Variants in TMEM200B observed in about 807,000 individuals in gnomAD.
The protein encoded by TMEM200B is transmembrane protein 200B.
A neutral mutation model predicts 17.6 loss-of-function variants in TMEM200B; 12 were observed. The ratio of observed to expected loss-of-function variants is 0.68; its 90% CI spans 0.44 to 1.11. TMEM200B has a LOEUF of 1.11. Ranked by LOEUF, TMEM200B falls within the 50% of genes least tolerant of loss-of-function variation. The pLI is 0.00. For missense variants in TMEM200B, 456 were observed against 447.6 expected (o/e 1.02, Z -0.17); for synonymous variants, 234 against 209.2 (o/e 1.12, Z -1.02).
In TMEM200B at chr1:29,121,380, C is replaced by A; in HGVS notation, c.449G>T (p.Gly150Val). ...CCGGAGCGCCTGGGCCCGCAGCACCCCCTGGCGGAGCCGTCGCGTCTCCAA... is the reference window on the plus strand; with the variant it reads ...CCGGAGCGCCTGGGCCCGCAGCACCACCTGGCGGAGCCGTCGCGTCTCCAA... ...RDLETRRLRQ[G>V]VLRAQALRPP... Residue 150 changes from glycine to valine, a missense_variant, in exon 2 of 2, where the codon GGG becomes GTG. Coordinates refer to ENST00000521452, the MANE Select transcript of TMEM200B (RefSeq NM_001003682.4). This position sits in a 1 kb window ranked among gnomAD's most constrained non-coding sequence, Gnocchi z 5.6. 1 of 1,549,040 alleles carries A rather than the reference C, an allele frequency of 6.5e-7. No homozygotes were observed. The highest frequency in any genetic ancestry group is 8.7e-7 in the Non-Finnish European group (1 of 1,149,740).
chr1:29,122,120 T>A (rs1466135849), intron 1 of TMEM200B, among the ~76,000 whole-genome samples: 2 of 152,136 alleles, frequency 1.3e-5, no homozygotes, highest in East Asian at 3.9e-4. Context: ...GGGCGCAGGC[T>A]GTTCCCTGGC....
In TMEM200B at chr1:29,120,669, G is replaced by T; in HGVS notation, c.*236C>A. ...CAGAGGCTGAAGAAATTCCTGAGGCGAGTCCTCCACACCCCACAGTGAAAC... is the reference window on the plus strand; with the variant it reads ...CAGAGGCTGAAGAAATTCCTGAGGCTAGTCCTCCACACCCCACAGTGAAAC... On this transcript the variant is annotated 3_prime_UTR_variant, in exon 2 of 2. Coordinates refer to ENST00000521452, the MANE Select transcript of TMEM200B (RefSeq NM_001003682.4). 1.9e-6 allele frequency: 1 copy of T among 532,570 alleles called. No individual in the cohort carries two copies. The highest frequency in any genetic ancestry group is 3.3e-6 in the Non-Finnish European group (1 of 305,852). The allele number at this position is 532,570 out of a possible 1,614,324, so 33.0% of individuals were successfully genotyped here. A position where few individuals can be genotyped will look rare whatever the true frequency, so the allele number is the denominator to read the frequency against.
chr1:29,121,226 C>G lies in TMEM200B; in HGVS notation c.603G>C (p.Pro201=). The G allele has an allele frequency of 6.2e-7, 1 of 1,613,304 alleles. No individual in the cohort carries two copies. Among genetic ancestry groups the G allele is most frequent in the Non-Finnish European group, 8.5e-7 (1 of 1,179,988 alleles). The change falls in exon 2 of 2, where the codon CCG becomes CCC. Residue 201 remains proline, a synonymous_variant. Transcript: ENST00000521452. This position sits in a 1 kb window ranked among gnomAD's most constrained non-coding sequence, Gnocchi z 5.6. Reference sequence around the variant, plus strand: ...GCTCTGAACGCAGACTCCGCACTGACGGGACGGGTGAAGTACCCCGACGCG... The same window carrying G: ...GCTCTGAACGCAGACTCCGCACTGAGGGGACGGGTGAAGTACCCCGACGCG... ...PSPRRGTSPV[P]SVRSLRSEPA...
intron 1 of TMEM200B, among the ~76,000 whole-genome samples, chr1:29,123,240 G>A (rs1440845163): frequency 6.6e-6 from 1 of 152,200 alleles, no homozygotes; most frequent in Non-Finnish European, 1.5e-5. Flanking sequence ...TCCAAAGCCT[G>A]GTTTCACAGA....
Position 29,120,988 on chromosome 1 carries a change from G to A in TMEM200B, c.841C>T (p.Arg281Ter), listed in dbSNP as rs750442920. ...GAPAARDCAH[R>*]SWPRLDRLSL... ...AGGCGGTCCAGCCGTGGCCAGCTTC[G>A]GTGAGCACAGTCCCGAGCTGCTGGG... is the stretch of plus-strand genomic sequence containing the variant. The change falls in exon 2 of 2, where the codon CGA becomes TGA. Residue 281 changes from arginine (R) to a stop codon, truncating the protein, a stop_gained. Coordinates refer to ENST00000521452, the MANE Select transcript of TMEM200B (RefSeq NM_001003682.4). LOFTEE classifies it high-confidence loss of function. 7 of 1,613,562 alleles carry A rather than the reference G, an allele frequency of 4.3e-6. No individual in the cohort carries two copies. Among genetic ancestry groups the A allele is most frequent in the Non-Finnish European group, 5.9e-6 (7 of 1,180,002 alleles).
rs1250656445 is a variant in TMEM200B, at chr1:29,121,448, G to A, written c.381C>T (p.Phe127=). 1.3e-6 allele frequency: 2 copies of A among 1,534,450 alleles called. No homozygotes were observed. Among genetic ancestry groups the A allele is most frequent in the Admixed American group, 2.0e-5 (1 of 50,932 alleles). The stretch of plus-strand genomic sequence containing the variant: ...GCAGTGTGTTGGCGCAGATGAACAC[G>A]AACAGGCCGACGCCCATGATCACCG... ...LGPVIMGVGL[F]VFICANTLLY... Residue 127 remains phenylalanine (F), a synonymous_variant, in exon 2 of 2, where the codon TTC becomes TTT. Transcript: ENST00000521452. This position sits in a 1 kb window ranked among gnomAD's most constrained non-coding sequence, Gnocchi z 5.6.
rs1671721986 is a variant in TMEM200B, at chr1:29,120,674, C to T, written c.*231G>A. ...GCTGAAGAAATTCCTGAGGCGAGTCCTCCACACCCCACAGTGAAACGCACC... is the reference window on the plus strand; with the variant it reads ...GCTGAAGAAATTCCTGAGGCGAGTCTTCCACACCCCACAGTGAAACGCACC... On this transcript the variant is annotated 3_prime_UTR_variant, in exon 2 of 2. Transcript: ENST00000521452. 1 of 568,678 alleles carries T rather than the reference C, an allele frequency of 1.8e-6. No individual in the cohort carries two copies. The highest frequency in any genetic ancestry group is 3.0e-5 in the South Asian group (1 of 33,790). The allele number at this position is 568,678 out of a possible 1,614,324, so 35.2% of individuals were successfully genotyped here.
chr1:29,120,769 C>G lies in TMEM200B; in HGVS notation c.*136G>C. 1 of 1,172,374 alleles carries G rather than the reference C, an allele frequency of 8.5e-7. No homozygotes were observed. The highest frequency in any genetic ancestry group is 2.6e-5 in the East Asian group (1 of 38,658). 72.6% of individuals were successfully genotyped at this position (1,172,374 alleles called of 1,614,324 possible). A position where few individuals can be genotyped will look rare whatever the true frequency, so the allele number is the denominator to read the frequency against. On this transcript the variant is annotated 3_prime_UTR_variant, in exon 2 of 2. Coordinates refer to ENST00000521452, the MANE Select transcript of TMEM200B (RefSeq NM_001003682.4). ...CGCATGCAGGTCAGGATGCCCTTCA[C>G]AGCTGCTGTGGTCAGAGCATCCATC...
chr1:29,122,164 G>C (rs1671832808), intron 1 of TMEM200B, among the ~76,000 whole-genome samples: 1 of 152,108 alleles, frequency 6.6e-6, no homozygotes, highest in South Asian at 2.1e-4. Flanking sequence ...GCCTGCGTCC[G>C]GTCCGCAAGC....
chr1:29,121,615 C>A lies in TMEM200B; in HGVS notation c.214G>T (p.Ala72Ser). Residue 72 changes from alanine (A) to serine (S), a missense_variant, in exon 2 of 2, where the codon GCC becomes TCC. Coordinates refer to ENST00000521452, the MANE Select transcript of TMEM200B (RefSeq NM_001003682.4). The surrounding 1 kb of genome is among the most constrained non-coding windows in gnomAD (Gnocchi z 5.6). ...VVLVGMGIAVAGYWPHRAGAP... is the reference protein window; with the variant it reads ...VVLVGMGIAVSGYWPHRAGAP... ...CCGGCCCGGTGCGGCCAGTAGCCGG[C>A]CACTGCAATGCCCATACCCACCAGT... 6.7e-7 allele frequency: 1 copy of A among 1,495,192 alleles called. No individual in the cohort carries two copies. The highest frequency in any genetic ancestry group is 8.8e-7 in the Non-Finnish European group (1 of 1,132,108). The allele number at this position is 1,495,192 out of a possible 1,614,324, so 92.6% of individuals were successfully genotyped here.
rs1423504526 is a variant in TMEM200B, at chr1:29,121,601, C to A, written c.228G>T (p.Pro76=). 6.7e-7 allele frequency: 1 copy of A among 1,490,000 alleles called. No homozygotes were observed. The highest frequency in any genetic ancestry group is 1.3e-5 in the South Asian group (1 of 79,262). The allele number at this position is 1,490,000 out of a possible 1,614,324, so 92.3% of individuals were successfully genotyped here. A position where few individuals can be genotyped will look rare whatever the true frequency, so the allele number is the denominator to read the frequency against. The part of the protein sequence containing the change: ...GMGIAVAGYW[P]HRAGAPGSRA... ...GGGACCCTGGGGCCCCGGCCCGGTGCGGCCAGTAGCCGGCCACTGCAATGC... is the reference window on the plus strand; with the variant it reads ...GGGACCCTGGGGCCCCGGCCCGGTGAGGCCAGTAGCCGGCCACTGCAATGC... The change falls in exon 2 of 2, where the codon CCG becomes CCT. Residue 76 remains proline, a synonymous_variant. Coordinates refer to ENST00000521452, the MANE Select transcript of TMEM200B (RefSeq NM_001003682.4). The surrounding 1 kb of genome is among the most constrained non-coding windows in gnomAD (Gnocchi z 5.6).
At chr1:29,123,372 G>C (rs1396374818) in intron 1 of TMEM200B, among the ~76,000 whole-genome samples, 2 of 152,204 alleles carry the variant, frequency 1.3e-5, no homozygotes, top group Non-Finnish European at 2.9e-5. Context: ...ACAGCCACGG[G>C]AGTATCCAGG....
In TMEM200B at chr1:29,121,254, G is replaced by T. The variant is rs377211531; in HGVS notation, c.575C>A (p.Ser192Tyr). ...GCAEPEIWDP[S>Y]PRRGTSPVPS... ...GACGGGTGAAGTACCCCGACGCGGG[G>T]ACGGGTCCCAGATTTCTGGCTCTGC... is the stretch of plus-strand genomic sequence containing the variant. Residue 192 changes from serine to tyrosine, a missense_variant, in exon 2 of 2, where the codon TCC becomes TAC. By Grantham distance (144) the Ser-to-Tyr change is moderately radical. Transcript: ENST00000521452. The surrounding 1 kb of genome is among the most constrained non-coding windows in gnomAD (Gnocchi z 5.6). The T allele has an allele frequency of 6.2e-6, 10 of 1,612,404 alleles. No homozygotes were observed. Among genetic ancestry groups the T allele is most frequent in the Non-Finnish European group, 8.5e-6 (10 of 1,179,788 alleles).
At position 29,121,943 on chromosome 1, in the gene TMEM200B, C is replaced by T. The variant is rs1468336508; in HGVS notation, c.-20-95G>A. ...CGCAAATCCGGGAGGGAAGCTCCGG[C>T]CGCCCAGCCCAGGCCGCTTGGAGAT... On this transcript the variant is annotated intron_variant, in intron 1 of 1. Transcript: ENST00000521452. This position sits in a 1 kb window ranked among gnomAD's most constrained non-coding sequence, Gnocchi z 5.6. 2 of 967,112 alleles carry T rather than the reference C, an allele frequency of 2.1e-6. No homozygotes were observed. The highest frequency in any genetic ancestry group is 1.7e-5 in the African/African-American group (1 of 57,280). The allele number at this position is 967,112 out of a possible 1,614,324, so 59.9% of individuals were successfully genotyped here. A position where few individuals can be genotyped will look rare whatever the true frequency, so the allele number is the denominator to read the frequency against.
Sources: allele counts gnomAD v4.1 joint callset (sites outside exome capture counted in the v4.1 genomes callset), GRCh38; gene constraint gnomAD v4.1.1; non-coding constraint Gnocchi (gnomAD v3.1); transcripts MANE v1.5; gene names NCBI Gene and HGNC (gene_info 2026-07-23, HGNC 2026-07-21).